MRAP2: variants seen among roughly 807,000 people sequenced by gnomAD.
MRAP2 encodes the protein melanocortin 2 receptor accessory protein 2.
MRAP2 carries 20 observed loss-of-function variants against 17.4 expected under a neutral mutation model. The observed-to-expected ratio is 1.15, with a 90% confidence interval of 0.81 to 1.67. The LOEUF is 1.67. Among genes scored for constraint, MRAP2 ranks in the 40% most tolerant of loss-of-function variants. The pLI, the probability that MRAP2 is intolerant of heterozygous loss-of-function variation, is 0.00. For missense variants in MRAP2, 238 were observed against 240.0 expected, an observed-to-expected ratio of 0.99 and a Z score of 0.05; for synonymous variants, 96 against 88.4, an observed-to-expected ratio of 1.09 and a Z score of -0.48.
the MRAP2 span, among the ~76,000 whole-genome samples, chr6:84,143,026 A>ATAAT: frequency 6.6e-6 from 1 of 152,110 alleles, no homozygotes; most frequent in African/African-American, 2.4e-5. Flanking sequence ...AAAGTCTTCA[A>ATAAT]TAATTACTAT....
chr6:84,062,873 C>T lies in MRAP2; in HGVS notation c.128-20C>T. On this transcript the variant is annotated intron_variant, in intron 2 of 3. Transcript: ENST00000257776. ...TTAAACTACTGTGAAATACTAATCCCAGAATTAACTGTCTTTCAGATTCCA... is the reference window on the plus strand; with the variant it reads ...TTAAACTACTGTGAAATACTAATCCTAGAATTAACTGTCTTTCAGATTCCA... 6.2e-7 allele frequency: 1 copy of T among 1,613,956 alleles called. No individual in the cohort carries two copies. The highest frequency in any genetic ancestry group is 8.5e-7 in the Non-Finnish European group (1 of 1,179,892).
chr6:84,088,439 C>T (rs933173391), intron 3 of MRAP2, among the ~76,000 whole-genome samples: 4 of 152,170 alleles, frequency 2.6e-5, no homozygotes, highest in Non-Finnish European at 4.4e-5. Context: ...TATTCCCACT[C>T]ATACCACAAA....
chr6:84,122,581 C>G, the MRAP2 span, among the ~76,000 whole-genome samples: 10 of 151,992 alleles, frequency 6.6e-5, no homozygotes, highest in Non-Finnish European at 1.0e-4. Context: ...GAACATACCT[C>G]CAATAATAAA....
At chr6:84,068,171 G>A (rs1296034685) in intron 3 of MRAP2, among the ~76,000 whole-genome samples, 4 of 152,012 alleles carry the variant, frequency 2.6e-5, no homozygotes. Flanking sequence ...TTATGTTTTT[G>A]TTTGCTTTTT....
chr6:84,062,245 A>G (rs2497118), intron 2 of MRAP2: 19,288 of 350,806 alleles, frequency 0.055, 695 homozygotes, highest in African/African-American at 0.12. Context: ...ACAATAGCTC[A>G]GTCTCAGCTA....
chr6:84,135,536 T>C, the MRAP2 span, among the ~76,000 whole-genome samples: 1 of 152,216 alleles, frequency 6.6e-6, no homozygotes, highest in Non-Finnish European at 1.5e-5. Context: ...CAATTTAAAC[T>C]GAACCACAAA....
chr6:84,126,470 G>T, the MRAP2 span: 1 of 1,569,048 alleles, frequency 6.4e-7, no homozygotes, highest in Non-Finnish European at 8.7e-7. Flanking sequence ...TCTGGTGTAT[G>T]GTTTTCTTTG....
the MRAP2 span, among the ~76,000 whole-genome samples, chr6:84,130,373 A>C: frequency 6.6e-6 from 1 of 152,190 alleles, no homozygotes; most frequent in Non-Finnish European, 1.5e-5. Flanking sequence ...TGGCCTCATA[A>C]AATGAGTTAG....
chr6:84,083,625 C>T (rs919131164), intron 3 of MRAP2, among the ~76,000 whole-genome samples: 1 of 151,968 alleles, frequency 6.6e-6, no homozygotes, highest in Non-Finnish European at 1.5e-5. Context: ...ATTTTGAAGA[C>T]CTCTCTATTT....
chr6:84,089,389 T>C lies in MRAP2; in HGVS notation c.526T>C (p.Tyr176His), dbSNP rs564694776. 6.2e-7 allele frequency: 1 copy of C among 1,614,172 alleles called. No homozygotes were observed. The highest frequency in any genetic ancestry group is 8.5e-7 in the Non-Finnish European group (1 of 1,180,032). Residue 176 changes from tyrosine to histidine, a missense_variant, in exon 4 of 4, where the codon TAC becomes CAC. By Grantham distance (83) the Tyr-to-His change is moderately conservative (BLOSUM62 2). Coordinates refer to ENST00000257776, the MANE Select transcript of MRAP2 (RefSeq NM_138409.4). ...IPNFVNTDQN[Y>H]FGEDDLLISE... ...CAACTTTGTGAACACAGACCAGAAC[T>C]ACTTTGGGGAGGATGATCTTCTGAT...
chr6:84,106,073 T>C, the MRAP2 span, among the ~76,000 whole-genome samples: 2 of 152,110 alleles, frequency 1.3e-5, no homozygotes, highest in African/African-American at 4.8e-5. Flanking sequence ...CCCTGCAAGG[T>C]ACTGTCACTT....
the MRAP2 span, among the ~76,000 whole-genome samples, chr6:84,146,210 G>C: frequency 6.6e-6 from 1 of 152,018 alleles, no homozygotes; most frequent in Non-Finnish European, 1.5e-5. Context: ...CCACCATTTT[G>C]AGTTACTTTG....
chr6:84,138,680 A>G, the MRAP2 span, among the ~76,000 whole-genome samples: 1 of 151,674 alleles, frequency 6.6e-6, no homozygotes, highest in African/African-American at 2.4e-5. Flanking sequence ...GATATTCTTA[A>G]AGTAAGAACT....
the MRAP2 span, among the ~76,000 whole-genome samples, chr6:84,104,874 A>C: frequency 3.9e-5 from 6 of 152,180 alleles, no homozygotes; most frequent in African/African-American, 1.4e-4. Flanking sequence ...TCTCAAAAAA[A>C]AAAGAAATTT....
the MRAP2 span, among the ~76,000 whole-genome samples, chr6:84,137,214 T>C: frequency 1.3e-5 from 2 of 152,246 alleles, no homozygotes; most frequent in South Asian, 4.1e-4. Context: ...AAATGCGTCA[T>C]GCTGCCTTGC....
chr6:84,043,126 C>G (rs964769929), intron 1 of MRAP2, among the ~76,000 whole-genome samples: 11 of 152,218 alleles, frequency 7.2e-5, no homozygotes, highest in Non-Finnish European at 8.8e-5. Flanking sequence ...CCAACTCTTT[C>G]AATAACTCCA....
At chr6:84,113,787 C>CA in the MRAP2 span, among the ~76,000 whole-genome samples, 5 of 152,262 alleles carry the variant, frequency 3.3e-5, no homozygotes, top group African/African-American at 9.6e-5. Flanking sequence ...CTGGAGGTGA[C>CA]AAAATCTCTC....
At chr6:84,099,720 G>C in the MRAP2 span, among the ~76,000 whole-genome samples, 1 of 152,170 alleles carries the variant, frequency 6.6e-6, no homozygotes, top group African/African-American at 2.4e-5. Flanking sequence ...GCAGATGCTG[G>C]TGCCACACTT....
At chr6:84,107,008 A>C in the MRAP2 span, among the ~76,000 whole-genome samples, 86 of 152,264 alleles carry the variant, frequency 5.6e-4, no homozygotes, top group African/African-American at 1.9e-3. Context: ...TAAAATCGTA[A>C]AGGCTTGAGC....
Sources: gnomAD v4.1 joint callset for allele counts (sites outside exome capture counted in the v4.1 genomes callset) on GRCh38, gnomAD v4.1.1 for gene constraint, MANE v1.5 for transcripts, NCBI Gene and HGNC (gene_info 2026-07-23, HGNC 2026-07-21) for gene names.